The following KCNK5 variants were observed in gnomAD, a reference collection of about 807,000 sequenced individuals.
KCNK5 encodes potassium channel subfamily K member 5.
A neutral mutation model predicts 32.9 loss-of-function variants in KCNK5; 18 were observed. That is an observed-to-expected ratio of 0.55 (90% CI 0.38 to 0.81). KCNK5 has a LOEUF of 0.81. Among genes scored for constraint, KCNK5 ranks in the 30% least tolerant of loss-of-function variants. The probability of loss-of-function intolerance (pLI) is 0.00; values close to 1 mark genes in which losing one functional copy is unlikely to be tolerated. For missense variants in KCNK5, 507 were observed against 651.0 expected (o/e 0.78, Z 2.41); for synonymous variants, 276 against 275.3 (o/e 1.00, Z -0.03).
chr6:39,207,233 C>T lies in KCNK5; in HGVS notation c.187-11246G>A, dbSNP rs1031263946. Among the ~76,000 whole-genome samples, 3 of 152,232 alleles carry T rather than the reference C, an allele frequency of 2.0e-5. No individual in the cohort carries two copies. The South Asian group carries it at 6.2e-4, about 31-fold the overall frequency. Reference sequence around the variant, plus strand: ...CCTCCGTCCCGCTCCCGCTCCTCACCTCACTGCACTCATCACTACCTGACA... The same window carrying T: ...CCTCCGTCCCGCTCCCGCTCCTCACTTCACTGCACTCATCACTACCTGACA... On this transcript the variant is annotated intron_variant, in intron 1 of 4. Coordinates refer to ENST00000359534, the MANE Select transcript of KCNK5 (RefSeq NM_003740.4).
chr6:39,222,214 G>T (rs1771565124), intron 1 of KCNK5, among the ~76,000 whole-genome samples: 1 of 152,184 alleles, frequency 6.6e-6, no homozygotes, highest in Non-Finnish European at 1.5e-5. Flanking sequence ...CTGGGCCAGG[G>T]ACCCAGACCT....
Position 39,194,356 on chromosome 6 carries a change from C to G in KCNK5, c.466-19G>C. 2 of 1,585,620 alleles carry G rather than the reference C, an allele frequency of 1.3e-6. No individual in the cohort carries two copies. The highest frequency in any genetic ancestry group is 1.7e-6 in the Non-Finnish European group (2 of 1,164,936). ...CCTTCCGCTGATGGGGAGCAGGAGG[C>G]CAAGTCAGAGAATAGTGGAGACTTG... is the stretch of plus-strand genomic sequence containing the variant. On this transcript the variant is annotated intron_variant, in intron 3 of 4. Coordinates refer to ENST00000359534, the MANE Select transcript of KCNK5 (RefSeq NM_003740.4). The surrounding 1 kb of genome is among the most constrained non-coding windows in gnomAD (Gnocchi z 4.7).
In KCNK5 at chr6:39,193,145, C is replaced by G. The variant is rs112278889; in HGVS notation, c.634+1024G>C. On this transcript the variant is annotated intron_variant, in intron 4 of 4. Transcript: ENST00000359534. ...AGCTGAGGCAGGGTTTGGTGTCTTGCTGGTGCTGAGAAAGTATGGCTAAGT... is the reference window on the plus strand; with the variant it reads ...AGCTGAGGCAGGGTTTGGTGTCTTGGTGGTGCTGAGAAAGTATGGCTAAGT... Among the ~76,000 whole-genome samples, 8 of 148,662 alleles carry G rather than the reference C, an allele frequency of 5.4e-5. 1 individual carries two copies. The highest frequency in any genetic ancestry group is 1.9e-4 in the African/African-American group (8 of 41,268).
chr6:39,191,358 CA>C lies in KCNK5; in HGVS notation c.1031del (p.Leu344ArgfsTer2). On this transcript the variant is annotated frameshift_variant, in exon 5 of 5. Coordinates refer to ENST00000359534, the MANE Select transcript of KCNK5 (RefSeq NM_003740.4). LOFTEE classifies it low-confidence loss of function (END_TRUNC). The surrounding 1 kb of genome is among the most constrained non-coding windows in gnomAD (Gnocchi z 5.8). ...LPALPPSLVP[L>X]VVYSKNRVPT... ...GCACCCGGTTCTTGGAGTAGACTAC[CA>C]GGGGCACCAGGGAAGGGGGCAGTGC... 6.2e-7 allele frequency: 1 copy of C among 1,613,778 alleles called. No homozygotes were observed. Among genetic ancestry groups the C allele is most frequent in the Non-Finnish European group, 8.5e-7 (1 of 1,180,002 alleles).
chr6:39,198,019 A>G (rs1197490757), intron 1 of KCNK5, among the ~76,000 whole-genome samples: 1 of 152,238 alleles, frequency 6.6e-6, no homozygotes, highest in Non-Finnish European at 1.5e-5. Context: ...GGGAGAGGAG[A>G]ATGTTTGGAA....
At chr6:39,196,775 G>A (rs1771038667) in intron 1 of KCNK5, among the ~76,000 whole-genome samples, 1 of 152,200 alleles carries the variant, frequency 6.6e-6, no homozygotes, top group African/African-American at 2.4e-5. Flanking sequence ...TACATTTCAG[G>A]GTGACTCATA....
intron 1 of KCNK5, among the ~76,000 whole-genome samples, chr6:39,222,502 T>C (rs912389612): frequency 4.6e-5 from 7 of 152,134 alleles, no homozygotes; most frequent in African/African-American, 1.7e-4. Context: ...TACTTGAAAA[T>C]TGCAAAAATT....
Position 39,194,812 on chromosome 6 carries a change from G to C in KCNK5, c.299-52C>G. 6.5e-7 allele frequency: 1 copy of C among 1,547,414 alleles called. No homozygotes were observed. The highest frequency in any genetic ancestry group is 8.9e-7 in the Non-Finnish European group (1 of 1,123,534). On this transcript the variant is annotated intron_variant, in intron 2 of 4. Coordinates refer to ENST00000359534, the MANE Select transcript of KCNK5 (RefSeq NM_003740.4). This position sits in a 1 kb window ranked among gnomAD's most constrained non-coding sequence, Gnocchi z 4.7. ...AACAGGAGGGGTGGTCAAACCAGTGGGCCTTGCTTCCAACACACACACAGC... is the reference window on the plus strand; with the variant it reads ...AACAGGAGGGGTGGTCAAACCAGTGCGCCTTGCTTCCAACACACACACAGC...
intron 1 of KCNK5, among the ~76,000 whole-genome samples, chr6:39,201,596 G>A (rs76838813): frequency 0.035 from 5,317 of 152,208 alleles, 290 homozygotes; most frequent in African/African-American, 0.12. Context: ...GCCCTGCGGA[G>A]GGATGGTAAA....
At position 39,190,984 on chromosome 6, in the gene KCNK5, T is replaced by C. The variant is rs1434472502; in HGVS notation, c.1406A>G (p.Glu469Gly). 1 of 1,560,882 alleles carries C rather than the reference T, an allele frequency of 6.4e-7. No homozygotes were observed. The highest frequency in any genetic ancestry group is 8.7e-7 in the Non-Finnish European group (1 of 1,155,348). Residue 469 changes from glutamate to glycine, a missense_variant, in exon 5 of 5, where the codon GAG becomes GGG. Glu to Gly is a moderately conservative substitution (Grantham distance 98). Around this residue, in one of 6 missense-constraint regions of KCNK5, gnomAD observed 252 missense variants for 250.8 expected, o/e 1.00. Coordinates refer to ENST00000359534, the MANE Select transcript of KCNK5 (RefSeq NM_003740.4). ...AGACTCAGTGCTGGTGAAGGTGGAC[T>C]CGGAGGAGGAGGGGAACTCGCCCAT... is the stretch of plus-strand genomic sequence containing the variant. ...LNMGEFPSSSESTFTSTESEL... is the reference protein window; with the variant it reads ...LNMGEFPSSSGSTFTSTESEL...
chr6:39,194,091 G>T lies in KCNK5; in HGVS notation c.634+78C>A. On this transcript the variant is annotated intron_variant, in intron 4 of 4. Coordinates refer to ENST00000359534, the MANE Select transcript of KCNK5 (RefSeq NM_003740.4). The surrounding 1 kb of genome is among the most constrained non-coding windows in gnomAD (Gnocchi z 4.7). The stretch of plus-strand genomic sequence containing the variant: ...TGCCCAGAACATGGAACCCTACCTA[G>T]GGCACCCCCAACATAGGTCTGTTGC... 1 of 1,517,440 alleles carries T rather than the reference G, an allele frequency of 6.6e-7. No individual in the cohort carries two copies. Among genetic ancestry groups the T allele is most frequent in the Admixed American group, 1.7e-5 (1 of 59,072 alleles). The allele number at this position is 1,517,440 out of a possible 1,614,324, so 94.0% of individuals were successfully genotyped here.
intron 1 of KCNK5, among the ~76,000 whole-genome samples, chr6:39,198,870 A>C (rs1185497116): frequency 1.3e-5 from 2 of 152,218 alleles, no homozygotes; most frequent in Non-Finnish European, 2.9e-5. Context: ...TGTAGTAATC[A>C]ATTTCTGATA....
intron 4 of KCNK5, among the ~76,000 whole-genome samples, chr6:39,193,252 C>A (rs1222223651): frequency 6.6e-6 from 1 of 152,204 alleles, no homozygotes; most frequent in Non-Finnish European, 1.5e-5. Flanking sequence ...CAGGGTTGTG[C>A]CTTGTCCACA....
At chr6:39,217,988 G>A (rs1238094436) in intron 1 of KCNK5, among the ~76,000 whole-genome samples, 1 of 152,110 alleles carries the variant, frequency 6.6e-6, no homozygotes, top group Non-Finnish European at 1.5e-5. Context: ...GGGCAGGTTA[G>A]GAAATCAGGT....
chr6:39,191,097 G>T lies in KCNK5; in HGVS notation c.1293C>A (p.Asp431Glu). Residue 431 changes from aspartate (D) to glutamate (E), a missense_variant, in exon 5 of 5, where the codon GAC becomes GAA. Around this residue, in one of 6 missense-constraint regions of KCNK5, gnomAD observed 252 missense variants for 250.8 expected, o/e 1.00. Coordinates refer to ENST00000359534, the MANE Select transcript of KCNK5 (RefSeq NM_003740.4). The surrounding 1 kb of genome is among the most constrained non-coding windows in gnomAD (Gnocchi z 5.8). ...TFVNTEAGLS[D>E]EETSKSSLED... The stretch of plus-strand genomic sequence containing the variant: ...CTAGCGAGGACTTGGAGGTCTCCTC[G>T]TCTGAGAGGCCAGCCTCCGTGTTCA... 1 of 1,614,130 alleles carries T rather than the reference G, an allele frequency of 6.2e-7. No individual in the cohort carries two copies.
intron 1 of KCNK5, among the ~76,000 whole-genome samples, chr6:39,204,276 G>T (rs145491073): frequency 6.6e-6 from 1 of 152,224 alleles, no homozygotes; most frequent in South Asian, 2.1e-4. Flanking sequence ...GTGCTAGGAC[G>T]TCGGCGCAGG....
chr6:39,195,048 A>G (rs1771005545), intron 2 of KCNK5, among the ~76,000 whole-genome samples: 1 of 152,150 alleles, frequency 6.6e-6, no homozygotes, highest in African/African-American at 2.4e-5. Flanking sequence ...TGCAAGTTAT[A>G]AGACATGCTC....
At chr6:39,223,381 A>G (rs1322926957) in intron 1 of KCNK5, among the ~76,000 whole-genome samples, 1 of 152,212 alleles carries the variant, frequency 6.6e-6, no homozygotes, top group African/African-American at 2.4e-5. Flanking sequence ...GTACAGCCAT[A>G]CTTGGGAAGA....
At chr6:39,211,536 T>C (rs1246170109) in intron 1 of KCNK5, among the ~76,000 whole-genome samples, 5 of 152,188 alleles carry the variant, frequency 3.3e-5, no homozygotes, top group African/African-American at 7.2e-5. Flanking sequence ...GGCCCAATAC[T>C]CTAGTACTGC....
Sources: gnomAD v4.1 joint callset for allele counts (sites outside exome capture counted in the v4.1 genomes callset) on GRCh38, gnomAD v4.1.1 for gene constraint, gnomAD v4.1.1 regional missense constraint, Gnocchi (gnomAD v3.1) non-coding constraint, MANE v1.5 for transcripts, NCBI Gene and HGNC (gene_info 2026-07-23, HGNC 2026-07-21) for gene names.